SINHCAF: variants seen among roughly 807,000 people sequenced by gnomAD.
SINHCAF encodes the protein SIN3-HDAC complex associated factor, also known as SIN3-HDAC complex-associated factor.
SINHCAF carries 3 observed loss-of-function variants against 25.8 expected under a neutral mutation model. The ratio of observed to expected loss-of-function variants is 0.12; its 90% CI spans 0.05 to 0.30. SINHCAF has a LOEUF of 0.30. Ranked by LOEUF, SINHCAF falls within the 10% of genes least tolerant of loss-of-function variation. The pLI, the probability that SINHCAF is intolerant of heterozygous loss-of-function variation, is 1.00. For synonymous variants in SINHCAF, 70 were observed against 85.5 expected (o/e 0.82, Z 1.00); for missense variants, 121 against 262.3 (o/e 0.46, Z 3.72).
intron 1 of SINHCAF, among the ~76,000 whole-genome samples, chr12:31,301,769 C>T (rs1249908960): frequency 7.2e-5 from 11 of 151,750 alleles, no homozygotes; most frequent in Non-Finnish European, 1.6e-4. Context: ...AAAAAAAACA[C>T]TACTTAATCC....
intron 4 of SINHCAF, 115 bp downstream of exon 4, chr12:31,293,690 A>G (rs1030807732): frequency 1.2e-6 from 1 of 869,362 alleles, no homozygotes; most frequent in African/African-American, 1.8e-5. Flanking sequence ...GTTGCCTTCC[A>G]GTGCTCTTTA....
In SINHCAF at chr12:31,326,122, T is replaced by G. The variant is rs373244260; in HGVS notation, c.-119A>C. 6.6e-6 allele frequency: 1 copy of G among 152,342 alleles called. No individual in the cohort carries two copies. Among genetic ancestry groups the G allele is most frequent in the African/African-American group, 2.4e-5 (1 of 41,558 alleles). The allele number at this position is 152,342 out of a possible 1,614,324, so 9.4% of individuals were successfully genotyped here. On this transcript the variant is annotated 5_prime_UTR_variant, in exon 1 of 6. Transcript: ENST00000337682. Reference sequence around the variant, plus strand: ...AGCGCTCCCTCCTCCTCAACTGCCTTGTCTAGAAAGATAGTCTCCTGCAGT... The same window carrying G: ...AGCGCTCCCTCCTCCTCAACTGCCTGGTCTAGAAAGATAGTCTCCTGCAGT...
Position 31,313,679 on chromosome 12 carries a change from G to A in SINHCAF, c.-21+12345C>T, listed in dbSNP as rs147538848. Among the ~76,000 whole-genome samples, 1,497 of 152,062 alleles carry A rather than the reference G, an allele frequency of 9.8e-3. 92 individuals carry two copies. In the East Asian group the frequency reaches 0.17, roughly 17 times the overall value. ...TTTGTTTTTTCTGAGACGGAGTTTC[G>A]CTCTTGTTGCCCAGGCTGGAGTGCA... On this transcript the variant is annotated intron_variant, in intron 1 of 5. Transcript: ENST00000337682.
At chr12:31,295,571 TA>T in intron 2 of SINHCAF, among the ~76,000 whole-genome samples, 1 of 152,300 alleles carries the variant, frequency 6.6e-6, no homozygotes, top group East Asian at 1.9e-4. Flanking sequence ...GAAATGCTTT[TA>T]AAATTAAATA....
intron 4 of SINHCAF, among the ~76,000 whole-genome samples, chr12:31,290,528 T>C (rs891445648): frequency 2.0e-5 from 3 of 152,182 alleles, no homozygotes; most frequent in Non-Finnish European, 2.9e-5. Flanking sequence ...ATTTTTAATA[T>C]GTTAACTTAG....
chr12:31,285,405 TTA>T (rs908231315), intron 5 of SINHCAF, among the ~76,000 whole-genome samples: 5 of 75,804 alleles, frequency 6.6e-5, no homozygotes, highest in African/African-American at 2.9e-4. Flanking sequence ...AGACATATAT[TTA>T]TATATATACA....
At chr12:31,312,846 G>A (rs972267619) in intron 1 of SINHCAF, among the ~76,000 whole-genome samples, 3 of 151,996 alleles carry the variant, frequency 2.0e-5, no homozygotes, top group East Asian at 1.9e-4. Context: ...CCTCCAGGTC[G>A]GGAAAATAAT....
At chr12:31,315,984 GACGCA>G (rs1939481250) in intron 1 of SINHCAF, among the ~76,000 whole-genome samples, 1 of 152,096 alleles carries the variant, frequency 6.6e-6, no homozygotes, top group Non-Finnish European at 1.5e-5. Context: ...TGACCAACAT[GACGCA>G]ACCCTGTCTC....
At chr12:31,299,055 C>A (rs1938668467) in intron 1 of SINHCAF, among the ~76,000 whole-genome samples, 1 of 150,228 alleles carries the variant, frequency 6.7e-6, no homozygotes, top group Non-Finnish European at 1.5e-5. Flanking sequence ...AAAAAAAAAT[C>A]TCAACGTCAA....
At chr12:31,322,829 A>G (rs1383110998) in intron 1 of SINHCAF, among the ~76,000 whole-genome samples, 1 of 152,224 alleles carries the variant, frequency 6.6e-6, no homozygotes, top group African/African-American at 2.4e-5. Context: ...AGCAACAGAT[A>G]TGGTGGTGGG....
chr12:31,307,485 G>A (rs1353481784), intron 1 of SINHCAF, among the ~76,000 whole-genome samples: 7 of 152,082 alleles, frequency 4.6e-5, no homozygotes. Flanking sequence ...AGCCCAGGAG[G>A]TCAAGGCAGC....
chr12:31,305,445 A>G (rs1187461885), intron 1 of SINHCAF, among the ~76,000 whole-genome samples: 1 of 152,154 alleles, frequency 6.6e-6, no homozygotes, highest in Admixed American at 6.5e-5. Context: ...TGGGTCTTCC[A>G]GTTACAATTT....
chr12:31,295,249 T>C lies in SINHCAF; in HGVS notation c.213A>G (p.Lys71=), dbSNP rs755846749. ...KRWKKLPAGS[K]KNWNHVVDAR... ...ATGGACTAACATGATTCCAGTTTTT[T>C]TTTGATCCTGCTGGCAACTTCTTCC... Residue 71 remains lysine, a synonymous_variant, in exon 3 of 6, where the codon AAA becomes AAG. Transcript: ENST00000337682. 1.7e-5 allele frequency: 27 copies of C among 1,608,562 alleles called. No homozygotes were observed. Among genetic ancestry groups the C allele is most frequent in the Non-Finnish European group, 2.2e-5 (26 of 1,177,546 alleles).
At chr12:31,323,943 C>G in intron 1 of SINHCAF, 1 of 455,876 alleles carries the variant, frequency 2.2e-6, no homozygotes, top group South Asian at 1.5e-5. Context: ...CGGGTCCCCA[C>G]CTTCCGTAAA....
intron 5 of SINHCAF, among the ~76,000 whole-genome samples, chr12:31,284,225 GT>G (rs1331217011): frequency 6.6e-6 from 1 of 152,012 alleles, no homozygotes; most frequent in African/African-American, 2.4e-5. Flanking sequence ...CTTTATTTTA[GT>G]TTTTTCACCA....
chr12:31,291,957 T>C (rs535477857), intron 4 of SINHCAF, among the ~76,000 whole-genome samples: 1 of 147,194 alleles, frequency 6.8e-6, no homozygotes, highest in Non-Finnish European at 1.5e-5. Flanking sequence ...GAACACCCTG[T>C]TTCAGTCTGA....
rs538009721 is a variant in SINHCAF, at chr12:31,287,574, A to C, written c.506+60T>G. Reference sequence around the variant, plus strand: ...TGCCATTTAATTGCTAAGGAAGTAGAAAAATACTGCCCATAATTAAGATGG... The same window carrying C: ...TGCCATTTAATTGCTAAGGAAGTAGCAAAATACTGCCCATAATTAAGATGG... On this transcript the variant is annotated intron_variant, in intron 5 of 5. Transcript: ENST00000337682. 1.3e-5 allele frequency: 17 copies of C among 1,352,742 alleles called. No individual in the cohort carries two copies. In the East Asian group the frequency reaches 3.8e-4, roughly 30 times the overall value. The allele number at this position is 1,352,742 out of a possible 1,614,324, so 83.8% of individuals were successfully genotyped here.
chr12:31,319,438 GAAT>G (rs1294533159), intron 1 of SINHCAF, among the ~76,000 whole-genome samples: 1 of 152,240 alleles, frequency 6.6e-6, no homozygotes, highest in Non-Finnish European at 1.5e-5. Flanking sequence ...TGAGGCAGGA[GAAT>G]TGCCTGAACC....
At chr12:31,292,172 A>G (rs919081897) in intron 4 of SINHCAF, among the ~76,000 whole-genome samples, 2 of 152,222 alleles carry the variant, frequency 1.3e-5, no homozygotes, top group African/African-American at 4.8e-5. Context: ...TTCAAGTGAT[A>G]AAAGAAAATT....
Sources: allele counts gnomAD v4.1 joint callset (sites outside exome capture counted in the v4.1 genomes callset), GRCh38; gene constraint gnomAD v4.1.1; transcripts MANE v1.5; gene names NCBI Gene and HGNC (gene_info 2026-07-23, HGNC 2026-07-21).